IGSF10: variants seen among roughly 807,000 people sequenced by gnomAD.
The protein encoded by IGSF10 is calvaria mechanical force protein 608.
In IGSF10, 126 loss-of-function variants were observed where a neutral mutation model predicts 128.2. That is an observed-to-expected ratio of 0.98 (90% CI 0.85 to 1.14). The LOEUF (loss-of-function observed/expected upper bound fraction) is 1.14, where lower values mean the gene tolerates loss of function less well. Ranked by LOEUF, IGSF10 falls within the 50% of genes most tolerant of loss-of-function variation. The pLI, the probability that IGSF10 is intolerant of heterozygous loss-of-function variation, is 0.00. For missense variants in IGSF10, 3,295 were observed against 3,149.8 expected (o/e 1.05, Z -1.10); for synonymous variants, 1,185 against 1,146.2 (o/e 1.03, Z -0.68).
the IGSF10 span, among the ~76,000 whole-genome samples, chr3:151,594,331 C>CTTTTTTT: frequency 8.2e-6 from 1 of 121,518 alleles, no homozygotes. Flanking sequence ...ATAAAAACTG[C>CTTTTTTT]TTTTTTTTTT....
At chr3:151,568,981 G>A in the IGSF10 span, among the ~76,000 whole-genome samples, 4 of 152,178 alleles carry the variant, frequency 2.6e-5, no homozygotes, top group East Asian at 1.9e-4. Context: ...GAAGAATAAC[G>A]GAGGAGTATG....
the IGSF10 span, among the ~76,000 whole-genome samples, chr3:151,546,183 C>CA: frequency 6.6e-6 from 1 of 151,902 alleles, no homozygotes; most frequent in African/African-American, 2.4e-5. Flanking sequence ...GACCATTAAG[C>CA]AAAAATCTCT....
the IGSF10 span, among the ~76,000 whole-genome samples, chr3:151,503,768 G>A: frequency 1.5e-3 from 230 of 152,254 alleles, 1 homozygote; most frequent in Admixed American, 6.0e-3. Flanking sequence ...CAAAAATTGG[G>A]AGACTGGAGT....
the IGSF10 span, among the ~76,000 whole-genome samples, chr3:151,547,891 A>G: frequency 6.6e-6 from 1 of 152,178 alleles, no homozygotes; most frequent in Admixed American, 6.5e-5. Flanking sequence ...CTCACTATAC[A>G]ACTTCCAGTT....
At chr3:151,462,005 CT>C (rs1722079724), upstream of IGSF10, among the ~76,000 whole-genome samples, 1 of 150,112 alleles carries the variant, frequency 6.7e-6, no homozygotes, top group Non-Finnish European at 1.5e-5. Context: ...GATTTAAATA[CT>C]ACTATTTCTG....
At chr3:151,497,250 C>A in the IGSF10 span, among the ~76,000 whole-genome samples, 1 of 152,142 alleles carries the variant, frequency 6.6e-6, no homozygotes, top group African/African-American at 2.4e-5. Flanking sequence ...AGTCCTAGCC[C>A]ATGCCTATGT....
At chr3:151,588,416 T>G in the IGSF10 span, among the ~76,000 whole-genome samples, 1 of 152,196 alleles carries the variant, frequency 6.6e-6, no homozygotes, top group Non-Finnish European at 1.5e-5. Flanking sequence ...ATTCCAAATG[T>G]TTTCTGACAT....
chr3:151,513,566 AG>A, the IGSF10 span, among the ~76,000 whole-genome samples: 8 of 152,182 alleles, frequency 5.3e-5, no homozygotes, highest in African/African-American at 1.4e-4. Context: ...GGCACAAGAC[AG>A]GGATGCCCTC....
chr3:151,581,949 C>T, the IGSF10 span, among the ~76,000 whole-genome samples: 5 of 151,944 alleles, frequency 3.3e-5, no homozygotes, highest in East Asian at 1.9e-4. Flanking sequence ...ACCTGTAATC[C>T]CAGCTACTTT....
the IGSF10 span, among the ~76,000 whole-genome samples, chr3:151,513,875 C>T: frequency 6.6e-6 from 1 of 152,060 alleles, no homozygotes; most frequent in Admixed American, 6.6e-5. Context: ...TTCACAATTG[C>T]CTCAAAGAGA....
At chr3:151,607,690 T>C in the IGSF10 span, among the ~76,000 whole-genome samples, 17 of 151,918 alleles carry the variant, frequency 1.1e-4, no homozygotes, top group African/African-American at 4.1e-4. Context: ...GGCGGGCGGA[T>C]CACGAGGTCA....
chr3:151,459,039 A>AT (rs1348550812), intron 2 of IGSF10, among the ~76,000 whole-genome samples: 1 of 152,260 alleles, frequency 6.6e-6, no homozygotes, highest in Non-Finnish European at 1.5e-5. Flanking sequence ...GACAACTAAA[A>AT]TATATAGAAT....
At chr3:151,468,302 AG>A in the IGSF10 span, among the ~76,000 whole-genome samples, 2 of 152,222 alleles carry the variant, frequency 1.3e-5, no homozygotes, top group African/African-American at 4.8e-5. Flanking sequence ...CAATGGCTAC[AG>A]GGGCTGCGAC....
At chr3:151,515,737 G>A in the IGSF10 span, among the ~76,000 whole-genome samples, 4 of 149,198 alleles carry the variant, frequency 2.7e-5, no homozygotes, top group Non-Finnish European at 5.9e-5. Context: ...GTGTGTGTGT[G>A]TGTGTGTGTG....
chr3:151,567,782 G>C, the IGSF10 span, among the ~76,000 whole-genome samples: 1 of 152,268 alleles, frequency 6.6e-6, no homozygotes, highest in South Asian at 2.1e-4. Flanking sequence ...AACCTGCTTA[G>C]CCTATTTTCC....
the IGSF10 span, among the ~76,000 whole-genome samples, chr3:151,509,276 G>A: frequency 6.6e-6 from 1 of 152,108 alleles, no homozygotes; most frequent in South Asian, 2.1e-4. Flanking sequence ...TGCTTAATCA[G>A]CCAATACTAA....
At chr3:151,509,271 A>T in the IGSF10 span, among the ~76,000 whole-genome samples, 4 of 152,208 alleles carry the variant, frequency 2.6e-5, no homozygotes, top group East Asian at 5.8e-4. Context: ...TTTCATGCTT[A>T]ATCAGCCAAT....
At chr3:151,617,260 CTCTTCTTCT>C in the IGSF10 span, among the ~76,000 whole-genome samples, 7,585 of 55,638 alleles carry the variant, frequency 0.14, 456 homozygotes, top group Middle Eastern at 0.19. Context: ...TCTTCTCCTT[CTCTTCTTCT>C]TCTTCTTCTT....
rs1720540851 is a variant in IGSF10, at chr3:151,438,144, A to T, written c.6417T>A (p.Ala2139=). Residue 2139 remains alanine, a synonymous_variant, in exon 8 of 8, where the codon GCT becomes GCA. Transcript: ENST00000282466. Reference sequence around the variant, plus strand: ...TGTTACTCTGCCTTATCCGGGGAGCAGCTGTTATAACTGTTAAGTGGACCT... The same window carrying T: ...TGTTACTCTGCCTTATCCGGGGAGCTGCTGTTATAACTGTTAAGTGGACCT... ...EMKVHLTVIT[A]APRIRQSNKT... The T allele has an allele frequency of 6.2e-7, 1 of 1,614,174 alleles. No homozygotes were observed. The highest frequency in any genetic ancestry group is 8.5e-7 in the Non-Finnish European group (1 of 1,180,026).
Sources: allele counts gnomAD v4.1 joint callset (sites outside exome capture counted in the v4.1 genomes callset), GRCh38; gene constraint gnomAD v4.1.1; transcripts MANE v1.5; gene names NCBI Gene and HGNC (gene_info 2026-07-23, HGNC 2026-07-21).